Variants in VWA3B observed in about 807,000 individuals in gnomAD.
VWA3B encodes von Willebrand factor A domain containing 3B, also known as von Willebrand factor A domain-containing protein 3B.
A neutral mutation model predicts 158.3 loss-of-function variants in VWA3B; 138 were observed. The observed-to-expected ratio is 0.87, with a 90% confidence interval of 0.76 to 1.00. The LOEUF is 1.00. VWA3B is among the 50% of genes least tolerant of loss of function. The pLI, the probability that VWA3B is intolerant of heterozygous loss-of-function variation, is 0.00. For synonymous variants in VWA3B, 596 were observed against 587.3 expected (o/e 1.01, Z -0.21); for missense variants, 1,555 against 1,565.1 (o/e 0.99, Z 0.11).
downstream of VWA3B, among the ~76,000 whole-genome samples, chr2:98,316,874 C>T (rs1259069889): frequency 6.6e-6 from 1 of 152,118 alleles, no homozygotes; most frequent in African/African-American, 2.4e-5. Context: ...TCTTCACCTT[C>T]CACCATAATT....
intron 19 of VWA3B, among the ~76,000 whole-genome samples, chr2:98,244,958 A>G (rs1686297200): frequency 6.6e-6 from 1 of 152,088 alleles, no homozygotes; most frequent in African/African-American, 2.4e-5. Context: ...TCTGCCCTTT[A>G]TGGTCAGTGA....
chr2:98,215,807 C>T (rs756618341), intron 13 of VWA3B, among the ~76,000 whole-genome samples: 6 of 152,304 alleles, frequency 3.9e-5, no homozygotes, highest in East Asian at 1.9e-4. Context: ...TGAGCCACCG[C>T]GCCCAGCCAA....
rs1558733128 is a variant in VWA3B, at chr2:98,256,137, A to G, written c.2806A>G (p.Ile936Val). 2.5e-6 allele frequency: 4 copies of G among 1,613,572 alleles called. No individual in the cohort carries two copies. The highest frequency in any genetic ancestry group is 3.4e-6 in the Non-Finnish European group (4 of 1,179,912). Residue 936 changes from isoleucine to valine, a missense_variant, in exon 21 of 28, where the codon ATT becomes GTT. Ile to Val is a conservative substitution (Grantham distance 29). Coordinates refer to ENST00000477737, the MANE Select transcript of VWA3B (RefSeq NM_144992.5). ...TTTTTTTAACAGGCGCTTGAATAAA[A>G]TTGTTTGGCGAGCATTATCTCAAGA... is the stretch of plus-strand genomic sequence containing the variant. ...IQSYEKRLNK[I>V]VWRALSQEEK... is the part of the protein sequence containing the mutation.
At chr2:98,131,787 A>G (rs189008705) in intron 6 of VWA3B, among the ~76,000 whole-genome samples, 7 of 152,250 alleles carry the variant, frequency 4.6e-5, no homozygotes, top group Admixed American at 1.3e-4. Flanking sequence ...TTTTCCCATC[A>G]CTTTGCATAA....
At position 98,181,208 on chromosome 2, in the gene VWA3B, G is replaced by T. The variant is rs764105191; in HGVS notation, c.1307G>T (p.Ser436Ile). Reference sequence around the variant, plus strand: ...CCGGAGAATGAGTCCGTGCAGACCAGTGCGGTAGGTGAAGTGCACTCCTGG... The same window carrying T: ...CCGGAGAATGAGTCCGTGCAGACCATTGCGGTAGGTGAAGTGCACTCCTGG... ...AKPENESVQT[S>I]AETNKKTVHA... The change falls in exon 9 of 28, where the codon AGT (serine) becomes ATT (isoleucine). Residue 436 changes from serine to isoleucine, a missense_variant. Coordinates refer to ENST00000477737, the MANE Select transcript of VWA3B (RefSeq NM_144992.5). 1 of 1,613,542 alleles carries T rather than the reference G, an allele frequency of 6.2e-7. No homozygotes were observed. The highest frequency in any genetic ancestry group is 8.5e-7 in the Non-Finnish European group (1 of 1,179,612).
chr2:98,217,946 A>G lies in VWA3B; in HGVS notation c.1937A>G (p.Lys646Arg). 6.2e-7 allele frequency: 1 copy of G among 1,613,690 alleles called. No homozygotes were observed. The highest frequency in any genetic ancestry group is 8.5e-7 in the Non-Finnish European group (1 of 1,179,834). Residue 646 changes from lysine (K) to arginine (R), a missense_variant, in exon 14 of 28, where the codon AAA becomes AGA. Physicochemically the swap from Lys to Arg is conservative, Grantham distance 26. Transcript: ENST00000477737. ...GATGAGATTGCAAACAGGTTTTTGA[A>G]AGAGGTTGCTGCTTTGACTGGAGGA... ...YNDEIANRFL[K>R]EVAALTGGEF... is the part of the protein sequence containing the mutation.
intron 9 of VWA3B, among the ~76,000 whole-genome samples, chr2:98,182,093 G>C (rs1241455963): frequency 2.0e-5 from 3 of 152,268 alleles, no homozygotes; most frequent in Admixed American, 2.0e-4. Context: ...ATGCTGTGAA[G>C]TGAACCTAAA....
intron 7 of VWA3B, among the ~76,000 whole-genome samples, chr2:98,142,893 G>A (rs916851313): frequency 2.0e-5 from 3 of 152,160 alleles, no homozygotes; most frequent in African/African-American, 7.2e-5. Flanking sequence ...GGAATGGAGC[G>A]AGTCCAAATT....
intron 2 of VWA3B, among the ~76,000 whole-genome samples, chr2:98,113,473 G>A (rs746436416): frequency 8.6e-5 from 13 of 152,038 alleles, no homozygotes; most frequent in East Asian, 1.9e-4. Context: ...CATGCAGTTC[G>A]AAATCATGTT....
At chr2:98,181,931 A>G (rs543479407) in intron 9 of VWA3B, among the ~76,000 whole-genome samples, 66 of 152,350 alleles carry the variant, frequency 4.3e-4, no homozygotes, top group Non-Finnish European at 6.0e-4. Flanking sequence ...AGAGGTGTAG[A>G]ACAGGAACCA....
chr2:98,330,306 G>A, the VWA3B span, among the ~76,000 whole-genome samples: 1 of 152,160 alleles, frequency 6.6e-6, no homozygotes. Flanking sequence ...TTGGAGGATG[G>A]TGGTCCGGAG....
intron 7 of VWA3B, among the ~76,000 whole-genome samples, chr2:98,136,937 C>T (rs1461777941): frequency 2.0e-5 from 3 of 152,160 alleles, no homozygotes; most frequent in Admixed American, 1.3e-4. Context: ...TTTCACTTAG[C>T]GTAATGTCCT....
At chr2:98,235,218 A>C (rs1445533599) in intron 17 of VWA3B, among the ~76,000 whole-genome samples, 1 of 152,188 alleles carries the variant, frequency 6.6e-6, no homozygotes, top group African/African-American at 2.4e-5. Flanking sequence ...TAAAGTAATA[A>C]GTTTTGAAAC....
intron 14 of VWA3B, among the ~76,000 whole-genome samples, chr2:98,225,644 G>A (rs1684862393): frequency 2.1e-5 from 3 of 143,740 alleles, no homozygotes; most frequent in South Asian, 2.2e-4. Context: ...TGAGAAGGAA[G>A]AAATAAAACT....
intron 6 of VWA3B, among the ~76,000 whole-genome samples, chr2:98,131,737 G>A (rs934217825): frequency 6.6e-6 from 1 of 152,134 alleles, no homozygotes; most frequent in Non-Finnish European, 1.5e-5. Context: ...TCACCTTGCC[G>A]GCTCATTCCA....
chr2:98,270,434 G>T (rs922993545), intron 21 of VWA3B, among the ~76,000 whole-genome samples: 1 of 152,162 alleles, frequency 6.6e-6, no homozygotes, highest in Non-Finnish European at 1.5e-5. Context: ...ACCTAATGAG[G>T]TAATAGGGAA....
intron 8 of VWA3B, among the ~76,000 whole-genome samples, chr2:98,177,722 A>G (rs1398326707): frequency 6.6e-6 from 1 of 152,092 alleles, no homozygotes; most frequent in African/African-American, 2.4e-5. Flanking sequence ...TCCTGCCCTC[A>G]GGACTGCACC....
chr2:98,184,689 C>T (rs1295536616), intron 9 of VWA3B, among the ~76,000 whole-genome samples: 1 of 152,268 alleles, frequency 6.6e-6, no homozygotes, highest in Non-Finnish European at 1.5e-5. Flanking sequence ...GAAACGTTCC[C>T]ATTGGATGCT....
chr2:98,282,432 C>CTTTTTTTTTT (rs759230723), intron 22 of VWA3B, among the ~76,000 whole-genome samples: 2 of 124,904 alleles, frequency 1.6e-5, no homozygotes, highest in Non-Finnish European at 3.3e-5. Flanking sequence ...ACATGAATTA[C>CTTTTTTTTTT]TTTTTTTTTT....
Sources: gnomAD v4.1 joint callset for allele counts (sites outside exome capture counted in the v4.1 genomes callset) on GRCh38, gnomAD v4.1.1 for gene constraint, MANE v1.5 for transcripts, NCBI Gene and HGNC (gene_info 2026-07-23, HGNC 2026-07-21) for gene names.